Variants in CORIN observed in about 807,000 individuals in gnomAD.
CORIN encodes atrial natriuretic peptide-converting enzyme.
Under a neutral mutation model 125.3 loss-of-function variants are expected in CORIN, and 117 were observed. The observed-to-expected ratio is 0.93, with a 90% CI of 0.80 to 1.09. The LOEUF is 1.09. Among genes scored for constraint, CORIN ranks in the 50% least tolerant of loss-of-function variants. The probability of loss-of-function intolerance (pLI) is 0.00; values close to 1 mark genes in which losing one functional copy is unlikely to be tolerated. For missense variants in CORIN, 1,253 were observed against 1,306.7 expected (o/e 0.96, Z 0.63); for synonymous variants, 450 against 466.4 (o/e 0.96, Z 0.45).
chr4:47,805,358 A>T (rs117452974), intron 2 of CORIN, among the ~76,000 whole-genome samples: 10 of 151,814 alleles, frequency 6.6e-5, no homozygotes, highest in African/African-American at 2.2e-4. Context: ...CATTTTTTTT[A>T]AAAAACCTGG....
At chr4:47,785,943 G>C (rs1314446147) in intron 3 of CORIN, among the ~76,000 whole-genome samples, 2 of 150,180 alleles carry the variant, frequency 1.3e-5, no homozygotes, top group African/African-American at 4.9e-5. Context: ...TAAATAGGGG[G>C]ATAGCTCCCA....
At chr4:47,658,201 C>A (rs1577792525) in intron 12 of CORIN, among the ~76,000 whole-genome samples, 1 of 152,138 alleles carries the variant, frequency 6.6e-6, no homozygotes, top group Non-Finnish European at 1.5e-5. Flanking sequence ...GGCTACAGGC[C>A]CCATGCAAGC....
At chr4:47,774,380 T>C (rs1017622861) in intron 3 of CORIN, among the ~76,000 whole-genome samples, 26 of 152,242 alleles carry the variant, frequency 1.7e-4, no homozygotes, top group African/African-American at 6.0e-4. Context: ...GTTCATATTA[T>C]TAAACATGGT....
In CORIN at chr4:47,643,175, C is replaced by T. The variant is rs753455573; in HGVS notation, c.2039G>A (p.Cys680Tyr). ...RDLWCDGEADCSDSSDEWDCV... is the reference protein window; with the variant it reads ...RDLWCDGEADYSDSSDEWDCV... ...GTCCCATTCATCTGAACTGTCTGAG[C>T]AGTCGGCTTCACCATCACACCACAG... is the stretch of plus-strand genomic sequence containing the variant. Residue 680 changes from cysteine (C) to tyrosine (Y), a missense_variant, in exon 15 of 22, where the codon TGC becomes TAC. Physicochemically the swap from Cys to Tyr is radical, Grantham distance 194. Coordinates refer to ENST00000273857, the MANE Select transcript of CORIN (RefSeq NM_006587.4). 1.2e-6 allele frequency: 2 copies of T among 1,614,086 alleles called. No homozygotes were observed. The highest frequency in any genetic ancestry group is 3.3e-5 in the Admixed American group (2 of 60,020).
At chr4:47,757,184 C>T (rs1474467928) in intron 4 of CORIN, among the ~76,000 whole-genome samples, 5 of 151,844 alleles carry the variant, frequency 3.3e-5, no homozygotes. Context: ...TTTTATAATA[C>T]ATTTTACTTC....
At chr4:47,732,903 C>T (rs961107380) in intron 5 of CORIN, among the ~76,000 whole-genome samples, 1 of 152,072 alleles carries the variant, frequency 6.6e-6, no homozygotes, top group Non-Finnish European at 1.5e-5. Flanking sequence ...TTCCCACTCC[C>T]GTGACCCCCA....
At chr4:47,681,712 G>A (rs1173093912) in intron 7 of CORIN, 3 of 152,142 alleles carry the variant, frequency 2.0e-5, no homozygotes, top group Admixed American at 6.5e-5. Flanking sequence ...AATTAGTATA[G>A]TCATTATGGA....
intron 16 of CORIN, among the ~76,000 whole-genome samples, chr4:47,629,698 G>A (rs1722730549): frequency 6.6e-6 from 1 of 152,084 alleles, no homozygotes. Flanking sequence ...TACACACGTT[G>A]TTCTGTGTGG....
intron 12 of CORIN, 158 bp downstream of exon 12, chr4:47,661,553 C>T: frequency 1.7e-6 from 1 of 587,266 alleles, no homozygotes. Flanking sequence ...CCAAATTCTT[C>T]AATGCAATCA....
chr4:47,678,611 T>C (rs1253729856), intron 8 of CORIN, among the ~76,000 whole-genome samples: 4 of 152,196 alleles, frequency 2.6e-5, no homozygotes, highest in Admixed American at 2.6e-4. Flanking sequence ...TAACACATAA[T>C]AAACACTTTA....
intron 4 of CORIN, among the ~76,000 whole-genome samples, chr4:47,746,995 TAGGTGTG>T (rs1728693392): frequency 6.6e-6 from 1 of 152,154 alleles, no homozygotes; most frequent in Non-Finnish European, 1.5e-5. Flanking sequence ...CTTTCTTCTC[TAGGTGTG>T]AGCCAGCCCA....
chr4:47,760,911 T>C (rs1577899281), intron 4 of CORIN, among the ~76,000 whole-genome samples: 1 of 152,338 alleles, frequency 6.6e-6, no homozygotes, highest in East Asian at 1.9e-4. Context: ...ATGGTTTCTT[T>C]CCTTAAATCT....
At chr4:47,794,921 A>G (rs905699525) in intron 2 of CORIN, among the ~76,000 whole-genome samples, 3 of 151,976 alleles carry the variant, frequency 2.0e-5, no homozygotes, top group Non-Finnish European at 4.4e-5. Flanking sequence ...TATGGTTTCC[A>G]GTTTTATGTT....
At chr4:47,680,516 ATTGTTGTTGGCT>A (rs1394325752) in intron 7 of CORIN, 10 of 339,076 alleles carry the variant, frequency 2.9e-5, no homozygotes, top group African/African-American at 2.1e-4. Context: ...GTTTGTTCTT[ATTGTTGTTGGCT>A]TTTGTTTTCT....
chr4:47,806,822 A>G, intron 2 of CORIN, 81 bp downstream of exon 2: 3 of 1,405,018 alleles, frequency 2.1e-6, no homozygotes, highest in Non-Finnish European at 2.8e-6. Context: ...GGGTTAAATA[A>G]GTACTAAGTA....
At chr4:47,631,424 C>T (rs1232529302) in intron 16 of CORIN, among the ~76,000 whole-genome samples, 1 of 151,992 alleles carries the variant, frequency 6.6e-6, no homozygotes, top group Non-Finnish European at 1.5e-5. Context: ...CTATTGTGAA[C>T]TGCGCATGCA....
intron 5 of CORIN, among the ~76,000 whole-genome samples, chr4:47,723,493 C>A (rs1259644535): frequency 6.6e-6 from 1 of 152,150 alleles, no homozygotes; most frequent in Non-Finnish European, 1.5e-5. Context: ...GAGAGCACTA[C>A]AAAGGCTTTG....
chr4:47,836,549 T>C (rs1381621020), intron 1 of CORIN, among the ~76,000 whole-genome samples: 1 of 152,216 alleles, frequency 6.6e-6, no homozygotes, highest in Non-Finnish European at 1.5e-5. Context: ...GAAGCCACAA[T>C]TGTGCCTATG....
At chr4:47,813,257 A>C (rs1041747237) in intron 1 of CORIN, among the ~76,000 whole-genome samples, 7 of 152,246 alleles carry the variant, frequency 4.6e-5, no homozygotes, top group African/African-American at 1.2e-4. Flanking sequence ...AAAACTAAAA[A>C]TATCCAGCAA....
Sources: gnomAD v4.1 joint callset for allele counts (sites outside exome capture counted in the v4.1 genomes callset) on GRCh38, gnomAD v4.1.1 for gene constraint, MANE v1.5 for transcripts, NCBI Gene and HGNC (gene_info 2026-07-23, HGNC 2026-07-21) for gene names.